CHCHD3: variants seen among roughly 807,000 people sequenced by gnomAD.
CHCHD3 encodes coiled-coil-helix-coiled-coil-helix domain containing 3, also known as MICOS complex subunit MIC19.
Under a neutral mutation model 38.2 loss-of-function variants are expected in CHCHD3, and 20 were observed. The observed-to-expected ratio is 0.52, with a 90% CI of 0.37 to 0.76. CHCHD3 has a LOEUF of 0.76. Ranked by LOEUF, CHCHD3 falls within the 30% of genes least tolerant of loss-of-function variation. The probability of loss-of-function intolerance (pLI) is 0.00; values close to 1 mark genes in which losing one functional copy is unlikely to be tolerated. For missense variants in CHCHD3, 245 were observed against 279.2 expected (o/e 0.88, Z 0.87); for synonymous variants, 82 against 100.0 (o/e 0.82, Z 1.07).
At chr7:133,067,847 T>C (rs1343260910) in intron 2 of CHCHD3, among the ~76,000 whole-genome samples, 1 of 152,268 alleles carries the variant, frequency 6.6e-6, no homozygotes, top group African/African-American at 2.4e-5. Flanking sequence ...CCGGGCACGG[T>C]GGCTCACGCC....
At chr7:132,974,038 A>G (rs1447097149) in intron 4 of CHCHD3, 35 of 1,280,816 alleles carry the variant, frequency 2.7e-5, no homozygotes, top group Non-Finnish European at 3.5e-5. Flanking sequence ...TCAAATAACA[A>G]TAAGAAATTG....
At position 133,015,348 on chromosome 7, in the gene CHCHD3, T is replaced by TTAATTAAA. The variant is rs5887606; in HGVS notation, c.251+9197_251+9198insTTTAATTA. ...ACAGAGCCAGACAACGTCTCAAAAA[T>TTAATTAAA]TAAATAAATAAATAAATAAATAAAT... On this transcript the variant is annotated intron_variant, in intron 3 of 7. Transcript: ENST00000262570. 7.6e-5 allele frequency among the ~76,000 whole-genome samples: 11 copies of TTAATTAAA among 143,986 alleles called. No individual in the cohort carries two copies. The South Asian group carries it at 9.1e-4, about 12-fold the overall frequency. The allele number at this position is 143,986 out of a possible 152,430, so 94.5% of individuals were successfully genotyped here.
chr7:132,977,744 T>C (rs1482290820), intron 3 of CHCHD3, among the ~76,000 whole-genome samples: 5 of 152,240 alleles, frequency 3.3e-5, no homozygotes, highest in Non-Finnish European at 5.9e-5. Flanking sequence ...ATTTGGTGTA[T>C]CTAATTTTAA....
intron 4 of CHCHD3, among the ~76,000 whole-genome samples, chr7:132,901,729 A>C: frequency 6.6e-6 from 1 of 152,090 alleles, no homozygotes; most frequent in Non-Finnish European, 1.5e-5. Context: ...TTTGTCAGAT[A>C]AGTAGATTGC....
At chr7:133,011,754 T>C (rs938472659) in intron 3 of CHCHD3, among the ~76,000 whole-genome samples, 1 of 152,138 alleles carries the variant, frequency 6.6e-6, no homozygotes, top group Admixed American at 6.6e-5. Context: ...AACAGGGACA[T>C]AAAGGCAGGA....
intron 4 of CHCHD3, among the ~76,000 whole-genome samples, chr7:132,909,460 C>T (rs1362328638): frequency 6.6e-6 from 1 of 152,062 alleles, no homozygotes; most frequent in Non-Finnish European, 1.5e-5. Context: ...CACTGCACTC[C>T]CATCTAGGTG....
At position 132,928,434 on chromosome 7, in the gene CHCHD3, C is replaced by T. The variant is rs146114324; in HGVS notation, c.370-42689G>A. On this transcript the variant is annotated intron_variant, in intron 4 of 7. Transcript: ENST00000262570. ...AAATGGGGCCAGGTGTGGTGGCTAA[C>T]GCCTGTAATCCCAGCACTTCGGGAG... Among the ~76,000 whole-genome samples the T allele has an allele frequency of 6.5e-3, 983 of 152,270 alleles. 12 individuals are homozygous for T. Among genetic ancestry groups the T allele is most frequent in the African/African-American group, 0.022 (901 of 41,564 alleles).
chr7:132,865,472 G>A (rs557350661), intron 5 of CHCHD3, among the ~76,000 whole-genome samples: 1 of 152,212 alleles, frequency 6.6e-6, no homozygotes, highest in East Asian at 1.9e-4. Context: ...GGCCTTCTCT[G>A]TTTTAATAGG....
intron 4 of CHCHD3, among the ~76,000 whole-genome samples, chr7:132,914,843 C>G (rs537573195): frequency 2.0e-5 from 3 of 152,082 alleles, no homozygotes; most frequent in African/African-American, 4.8e-5. Flanking sequence ...ACTGAGAAAG[C>G]GAAAATAAAG....
intron 4 of CHCHD3, among the ~76,000 whole-genome samples, chr7:132,962,413 C>A (rs1811343890): frequency 6.6e-6 from 1 of 152,080 alleles, no homozygotes; most frequent in African/African-American, 2.4e-5. Flanking sequence ...ACGACCTTGT[C>A]CTCATTTTAA....
intron 4 of CHCHD3, among the ~76,000 whole-genome samples, chr7:132,926,601 T>C (rs1250252232): frequency 1.3e-5 from 2 of 152,290 alleles, no homozygotes; most frequent in Middle Eastern, 6.8e-3. Flanking sequence ...GCACTTTTGA[T>C]ATATAGTCAT....
At chr7:132,858,783 G>A (rs992476364) in intron 5 of CHCHD3, among the ~76,000 whole-genome samples, 5 of 152,146 alleles carry the variant, frequency 3.3e-5, no homozygotes, top group East Asian at 3.8e-4. Flanking sequence ...AATCAGTGGC[G>A]TATTTTAGCT....
At chr7:132,925,771 G>A (rs534670177) in intron 4 of CHCHD3, among the ~76,000 whole-genome samples, 36 of 152,278 alleles carry the variant, frequency 2.4e-4, no homozygotes, top group Non-Finnish European at 4.0e-4. Flanking sequence ...GACCACTAGA[G>A]AAGTGGAGCA....
intron 3 of CHCHD3, among the ~76,000 whole-genome samples, chr7:132,984,361 A>T (rs1275942711): frequency 1.0e-3 from 156 of 151,748 alleles, no homozygotes; most frequent in African/African-American, 3.6e-3. Flanking sequence ...GCGTTCACTC[A>T]GTGCTCAATG....
chr7:132,846,385 T>G (rs1030081695), intron 5 of CHCHD3, among the ~76,000 whole-genome samples: 3 of 152,236 alleles, frequency 2.0e-5, no homozygotes, highest in Admixed American at 1.3e-4. Context: ...TGAGCCCAGC[T>G]GATAACAGTC....
intron 6 of CHCHD3, among the ~76,000 whole-genome samples, chr7:132,827,184 T>C (rs989240885): frequency 1.3e-5 from 2 of 152,214 alleles, no homozygotes; most frequent in Non-Finnish European, 2.9e-5. Flanking sequence ...ATTTGGGGTA[T>C]ATTTTTTCTT....
chr7:132,956,526 T>C (rs1811172889), intron 4 of CHCHD3, among the ~76,000 whole-genome samples: 1 of 152,222 alleles, frequency 6.6e-6, no homozygotes, highest in African/African-American at 2.4e-5. Flanking sequence ...AGTCAAGTTA[T>C]AAATTGTAAA....
At position 133,035,146 on chromosome 7, in the gene CHCHD3, G is replaced by A. The variant is rs768708169; in HGVS notation, c.170-10519C>T. 4 of 1,612,930 alleles carry A rather than the reference G, an allele frequency of 2.5e-6. No homozygotes were observed. The South Asian group carries it at 4.4e-5, about 18-fold the overall frequency. On this transcript the variant is annotated intron_variant, in intron 2 of 7. Transcript: ENST00000262570. This position sits in a 1 kb window ranked among gnomAD's most constrained non-coding sequence, Gnocchi z 4.7. ...TCACATTCATCCATCTCCTCCTCAG[G>A]AGCAGGGGCAGCCGCCTTTTTCTCC...
At chr7:132,893,215 G>A (rs1001558396) in intron 4 of CHCHD3, among the ~76,000 whole-genome samples, 1 of 152,218 alleles carries the variant, frequency 6.6e-6, no homozygotes, top group African/African-American at 2.4e-5. Flanking sequence ...TCTTGCATGA[G>A]GGTGAACTAG....
Sources: allele counts gnomAD v4.1 joint callset (sites outside exome capture counted in the v4.1 genomes callset), GRCh38; gene constraint gnomAD v4.1.1; non-coding constraint Gnocchi (gnomAD v3.1); transcripts MANE v1.5; gene names NCBI Gene and HGNC (gene_info 2026-07-23, HGNC 2026-07-21).